Variants in NAV2 observed in about 807,000 individuals in gnomAD.
NAV2 encodes helicase, APC down-regulated 1.
A neutral mutation model predicts 223.2 loss-of-function variants in NAV2; 54 were observed. The observed-to-expected ratio is 0.24, with a 90% CI of 0.19 to 0.30. The LOEUF (loss-of-function observed/expected upper bound fraction) is 0.30. Ranked by LOEUF, NAV2 falls within the 10% of genes least tolerant of loss-of-function variation. The pLI, the probability that NAV2 is intolerant of heterozygous loss-of-function variation, is 1.00. For missense variants in NAV2, 2,806 were observed against 3,147.5 expected (o/e 0.89, Z 2.60); for synonymous variants, 1,279 against 1,239.3 (o/e 1.03, Z -0.67).
chr11:19,367,709 G>A (rs980157303), intron 1 of NAV2, among the ~76,000 whole-genome samples: 2 of 152,066 alleles, frequency 1.3e-5, no homozygotes, highest in African/African-American at 4.8e-5. Flanking sequence ...TGGGCCCTAA[G>A]GACTAGAATG....
chr11:19,720,256 C>T (rs1048555921), intron 1 of NAV2, among the ~76,000 whole-genome samples: 29 of 152,324 alleles, frequency 1.9e-4, no homozygotes, highest in African/African-American at 6.7e-4. Context: ...CAGAATGGGC[C>T]ATGTGATTTT....
chr11:19,917,836 C>G (rs183978660), intron 6 of NAV2, among the ~76,000 whole-genome samples: 1 of 152,216 alleles, frequency 6.6e-6, no homozygotes, highest in Non-Finnish European at 1.5e-5. Context: ...AAGCTGGTCT[C>G]GAACTCCTGA....
At chr11:20,115,016 G>A (rs1398625544) in intron 37 of NAV2, among the ~76,000 whole-genome samples, 11 of 152,136 alleles carry the variant, frequency 7.2e-5, no homozygotes. Flanking sequence ...TTAGATAACA[G>A]ATTAAGAATT....
chr11:19,396,731 G>A (rs1414356615), intron 1 of NAV2, among the ~76,000 whole-genome samples: 7 of 152,200 alleles, frequency 4.6e-5, no homozygotes, highest in East Asian at 3.8e-4. Flanking sequence ...CCTCCAGTTC[G>A]TATTTGGAGT....
intron 1 of NAV2, among the ~76,000 whole-genome samples, chr11:19,639,784 G>A (rs957845977): frequency 6.6e-5 from 10 of 152,144 alleles, no homozygotes; most frequent in East Asian, 3.9e-4. Flanking sequence ...TGTGTGGAGC[G>A]TTCTCCCACC....
At chr11:19,466,696 T>C (rs1258083255) in intron 1 of NAV2, among the ~76,000 whole-genome samples, 1 of 152,110 alleles carries the variant, frequency 6.6e-6, no homozygotes, top group East Asian at 1.9e-4. Flanking sequence ...GAGGAGTCTG[T>C]CAGTTGGGAC....
intron 1 of NAV2, among the ~76,000 whole-genome samples, chr11:19,556,730 A>G (rs1185174173): frequency 2.0e-5 from 3 of 152,254 alleles, no homozygotes; most frequent in Admixed American, 1.3e-4. Flanking sequence ...TTCAAGTAAT[A>G]TTTTAAATTA....
intron 6 of NAV2, among the ~76,000 whole-genome samples, chr11:19,930,658 T>C (rs2045247600): frequency 3.9e-5 from 6 of 152,232 alleles, no homozygotes. Context: ...CCTAAAACAG[T>C]ATCTGACACA....
intron 1 of NAV2, among the ~76,000 whole-genome samples, chr11:19,684,972 A>T (rs1398906624): frequency 6.6e-6 from 1 of 152,174 alleles, no homozygotes; most frequent in African/African-American, 2.4e-5. Flanking sequence ...CCCTCACTCC[A>T]TAAAAGCACA....
intron 5 of NAV2, among the ~76,000 whole-genome samples, chr11:19,886,787 G>A (rs113278567): frequency 0.019 from 2,924 of 152,262 alleles, 86 homozygotes; most frequent in African/African-American, 0.066. Flanking sequence ...AGATGAGGGC[G>A]TGTCAACCCT....
intron 1 of NAV2, among the ~76,000 whole-genome samples, chr11:19,510,078 T>C (rs964399204): frequency 1.3e-5 from 2 of 152,154 alleles, no homozygotes; most frequent in Non-Finnish European, 2.9e-5. Context: ...GTTGGAGAAA[T>C]ACCAGAAGAA....
chr11:19,409,874 A>C (rs908365112), intron 1 of NAV2, among the ~76,000 whole-genome samples: 1 of 152,164 alleles, frequency 6.6e-6, no homozygotes, highest in East Asian at 1.9e-4. Context: ...GAGATTTTTT[A>C]ATCTACCCAG....
At chr11:20,012,089 GT>G (rs1412602706) in intron 11 of NAV2, among the ~76,000 whole-genome samples, 1 of 152,132 alleles carries the variant, frequency 6.6e-6, no homozygotes, top group Non-Finnish European at 1.5e-5. Flanking sequence ...TTTTCTATCC[GT>G]ACTCCATTGT....
In NAV2 at chr11:19,923,092, A is replaced by G. The variant is rs1565566018; in HGVS notation, c.932-10084A>G. 2.0e-5 allele frequency among the ~76,000 whole-genome samples: 3 copies of G among 152,176 alleles called. 1 individual carries two copies. In the South Asian group the frequency reaches 6.2e-4, roughly 31 times the overall value. ...GCATGAAAGAATCCCACATTTTACT[A>G]GATTATAACATCACAGGGGGAAATA... is the stretch of plus-strand genomic sequence containing the variant. On this transcript the variant is annotated intron_variant, in intron 6 of 37. Transcript: ENST00000349880.
At chr11:19,467,024 G>GAGAGAGAGAGAGATAGAT (rs1554941014) in intron 1 of NAV2, among the ~76,000 whole-genome samples, 1 of 102,142 alleles carries the variant, frequency 9.8e-6, no homozygotes, top group African/African-American at 3.6e-5. Context: ...CACACAGAGA[G>GAGAGAGAGAGAGATAGAT]AGAGAGAGAG....
intron 1 of NAV2, among the ~76,000 whole-genome samples, chr11:19,746,743 A>G (rs1241411045): frequency 6.6e-6 from 1 of 151,980 alleles, no homozygotes; most frequent in Admixed American, 6.6e-5. Flanking sequence ...TGCCCCATCC[A>G]CAGTGTTAAT....
chr11:20,093,346 C>T (rs1168544522), intron 29 of NAV2, 147 bp downstream of exon 29: 2 of 624,608 alleles, frequency 3.2e-6, no homozygotes, highest in Non-Finnish European at 5.9e-6. Flanking sequence ...AACCATAATC[C>T]CTTGCAGCAT....
chr11:19,366,306 G>A (rs1417421523), intron 1 of NAV2, among the ~76,000 whole-genome samples: 1 of 152,222 alleles, frequency 6.6e-6, no homozygotes, highest in Admixed American at 6.5e-5. Context: ...GTGCCCCTCT[G>A]TGGAGCCCTG....
At chr11:19,777,503 A>G (rs1367676341) in intron 1 of NAV2, 1 of 453,478 alleles carries the variant, frequency 2.2e-6, no homozygotes, top group Admixed American at 2.4e-5. Flanking sequence ...ACAGAATAAC[A>G]CCACCATGAA....
Sources: gnomAD v4.1 joint callset for allele counts (sites outside exome capture counted in the v4.1 genomes callset) on GRCh38, gnomAD v4.1.1 for gene constraint, MANE v1.5 for transcripts, NCBI Gene and HGNC (gene_info 2026-07-23, HGNC 2026-07-21) for gene names.